ERAP1: variants seen among roughly 807,000 people sequenced by gnomAD.
ERAP1 encodes endoplasmic reticulum aminopeptidase 1, also known as adipocyte-derived leucine aminopeptidase.
A neutral mutation model predicts 103.7 loss-of-function variants in ERAP1; 86 were observed. The observed-to-expected ratio is 0.83, with a 90% CI of 0.70 to 0.99. ERAP1 has a LOEUF of 0.99. Among genes scored for constraint, ERAP1 ranks in the 50% least tolerant of loss-of-function variants. The probability of loss-of-function intolerance (pLI) is 0.00; values close to 1 mark genes in which losing one functional copy is unlikely to be tolerated. For missense variants in ERAP1, 1,009 were observed against 1,128.4 expected (o/e 0.89, Z 1.52); for synonymous variants, 398 against 402.4 (o/e 0.99, Z 0.13).
the ERAP1 span, among the ~76,000 whole-genome samples, chr5:96,887,511 G>T: frequency 2.0e-5 from 3 of 152,082 alleles, no homozygotes; most frequent in South Asian, 6.2e-4. Context: ...TGTTGACCAG[G>T]CTGGTTTTGA....
chr5:96,909,756 A>T, the ERAP1 span: 1 of 1,613,906 alleles, frequency 6.2e-7, no homozygotes, highest in Non-Finnish European at 8.5e-7. Context: ...AATCCAGTGG[A>T]AAATTAAAGT....
chr5:96,899,973 CT>C, the ERAP1 span: 52 of 958,336 alleles, frequency 5.4e-5, no homozygotes, highest in South Asian at 3.8e-4. Context: ...GCAAACATGC[CT>C]TTTTTTCCAT....
the ERAP1 span, among the ~76,000 whole-genome samples, chr5:96,887,100 T>TATAC: frequency 1.3e-3 from 175 of 137,402 alleles, no homozygotes; most frequent in South Asian, 3.6e-3. Flanking sequence ...TATATATATA[T>TATAC]ACACACACAC....
chr5:96,847,472 C>T, the ERAP1 span, among the ~76,000 whole-genome samples: 4 of 152,118 alleles, frequency 2.6e-5, no homozygotes, highest in Non-Finnish European at 5.9e-5. Flanking sequence ...TTAGATCAAA[C>T]AGGTCTAACA....
chr5:96,893,302 T>C, the ERAP1 span, among the ~76,000 whole-genome samples: 3 of 152,208 alleles, frequency 2.0e-5, no homozygotes, highest in South Asian at 6.2e-4. Flanking sequence ...TATCATTCTG[T>C]TGTAGAATCT....
the ERAP1 span, among the ~76,000 whole-genome samples, chr5:96,897,267 T>A: frequency 8.5e-5 from 13 of 152,218 alleles, no homozygotes; most frequent in Non-Finnish European, 1.8e-4. Context: ...TAAGAAGAAA[T>A]CTTGCTCAAT....
At chr5:96,861,253 G>A in the ERAP1 span, among the ~76,000 whole-genome samples, 1 of 152,202 alleles carries the variant, frequency 6.6e-6, no homozygotes. Flanking sequence ...GGTGGCATCA[G>A]TGTGGGTTTT....
the ERAP1 span, among the ~76,000 whole-genome samples, chr5:96,891,854 C>T: frequency 6.6e-6 from 1 of 152,078 alleles, no homozygotes; most frequent in Admixed American, 6.6e-5. Context: ...AAATTAAAAT[C>T]ATGCATCTTT....
chr5:96,768,000 G>T, intron 19 of ERAP1: 1 of 1,599,128 alleles, frequency 6.3e-7, no homozygotes, highest in African/African-American at 1.3e-5. Context: ...CACAGCAAAG[G>T]TACTGTGCTT....
chr5:96,881,578 C>A, the ERAP1 span: 1 of 439,200 alleles, frequency 2.3e-6, no homozygotes, highest in Admixed American at 2.5e-5. Flanking sequence ...CACACAGGGG[C>A]ATATTTTTCT....
chr5:96,783,487 T>A (rs531312684), intron 14 of ERAP1, among the ~76,000 whole-genome samples: 1 of 152,304 alleles, frequency 6.6e-6, no homozygotes, highest in African/African-American at 2.4e-5. Flanking sequence ...ATTGCGACTT[T>A]TAAAACAAAC....
At chr5:96,925,987 T>C in the ERAP1 span, among the ~76,000 whole-genome samples, 4 of 143,018 alleles carry the variant, frequency 2.8e-5, no homozygotes, top group South Asian at 2.3e-4. Flanking sequence ...CTCGGCTCAC[T>C]GCAACCTCTG....
the ERAP1 span, chr5:96,900,006 T>A: frequency 1.6e-6 from 2 of 1,237,620 alleles, no homozygotes; most frequent in African/African-American, 3.0e-5. Flanking sequence ...TTATCATGTC[T>A]GGATGAATTA....
intron 19 of ERAP1, chr5:96,766,071 C>A: frequency 1.2e-6 from 2 of 1,605,002 alleles, no homozygotes; most frequent in Non-Finnish European, 1.7e-6. Flanking sequence ...TAAAGCTGAA[C>A]ATAGAGACAA....
the ERAP1 span, among the ~76,000 whole-genome samples, chr5:96,822,123 T>A: frequency 6.6e-6 from 1 of 152,242 alleles, no homozygotes; most frequent in Non-Finnish European, 1.5e-5. Flanking sequence ...CAGGTCCTAT[T>A]GATTTTGCTG....
At chr5:96,880,755 T>C in the ERAP1 span, among the ~76,000 whole-genome samples, 1 of 152,252 alleles carries the variant, frequency 6.6e-6, no homozygotes, top group Admixed American at 6.5e-5. Flanking sequence ...GTCACATTCA[T>C]TGAGCACATA....
chr5:96,895,477 T>C, the ERAP1 span: 17 of 744,388 alleles, frequency 2.3e-5, no homozygotes, highest in African/African-American at 2.4e-4. Context: ...TTTGAACATA[T>C]GGCATTTTGT....
At chr5:96,818,057 G>T in the ERAP1 span, among the ~76,000 whole-genome samples, 1 of 152,112 alleles carries the variant, frequency 6.6e-6, no homozygotes, top group Non-Finnish European at 1.5e-5. Flanking sequence ...TCATGAGGAA[G>T]CCTCAAGTAA....
chr5:96,932,829 T>C, the ERAP1 span, among the ~76,000 whole-genome samples: 2 of 152,342 alleles, frequency 1.3e-5, no homozygotes, highest in South Asian at 2.1e-4. Flanking sequence ...TTATGTATTA[T>C]AATTAACTCT....
Sources: allele counts gnomAD v4.1 joint callset (sites outside exome capture counted in the v4.1 genomes callset), GRCh38; gene constraint gnomAD v4.1.1; transcripts MANE v1.5; gene names NCBI Gene and HGNC (gene_info 2026-07-23, HGNC 2026-07-21).